CDK14: variants seen among roughly 807,000 people sequenced by gnomAD.
CDK14 encodes cyclin dependent kinase 14.
A neutral mutation model predicts 60.7 loss-of-function variants in CDK14; 34 were observed. The observed-to-expected ratio is 0.56, with a 90% CI of 0.43 to 0.75. The LOEUF (loss-of-function observed/expected upper bound fraction) is 0.75, where lower values mean the gene tolerates loss of function less well. CDK14 is among the 30% of genes least tolerant of loss of function. The probability of loss-of-function intolerance (pLI) is 0.00; values close to 1 mark genes in which losing one functional copy is unlikely to be tolerated. For missense variants in CDK14, 482 were observed against 564.1 expected (o/e 0.85, Z 1.47); for synonymous variants, 197 against 203.7 (o/e 0.97, Z 0.28).
intron 6 of CDK14, among the ~76,000 whole-genome samples, chr7:90,887,219 T>G (rs1468541586): frequency 6.6e-6 from 1 of 152,216 alleles, no homozygotes. Context: ...CACAATACTC[T>G]GTAGGTAATT....
intron 10 of CDK14, among the ~76,000 whole-genome samples, chr7:91,027,144 AT>A (rs1796597651): frequency 6.6e-6 from 1 of 152,216 alleles, no homozygotes; most frequent in East Asian, 1.9e-4. Flanking sequence ...AACTGTTATA[AT>A]TTCTAGATAC....
At chr7:91,013,220 G>T (rs948623629) in intron 10 of CDK14, among the ~76,000 whole-genome samples, 1 of 152,084 alleles carries the variant, frequency 6.6e-6, no homozygotes, top group African/African-American at 2.4e-5. Context: ...GCAGCTTCCT[G>T]CCCACGGCCT....
In CDK14 at chr7:91,208,935, T is replaced by C. The variant is rs2116037230; in HGVS notation, c.*1799T>C. On this transcript the variant is annotated 3_prime_UTR_variant, in exon 15 of 15. Transcript: ENST00000380050. The stretch of plus-strand genomic sequence containing the variant: ...TACTGTTTGCTACCTAGAAATCTTT[T>C]CCATTCCTCTTTCATACATTCCAAC... The C allele has an allele frequency of 6.5e-6, 1 of 152,778 alleles. No individual in the cohort carries two copies. The allele number at this position is 152,778 out of a possible 1,614,324, so 9.5% of individuals were successfully genotyped here.
At position 90,917,597 on chromosome 7, in the gene CDK14, T is replaced by G. The variant is rs1237572932; in HGVS notation, c.703-4T>G. ...ATTTTAACCTTTGTCTCCTTATTTT[T>G]CAGTTGTTTTTATTTCAGTTGCTGC... On this transcript the variant is annotated splice_polypyrimidine_tract_variant and splice_region_variant and intron_variant, in intron 7 of 14. Coordinates refer to ENST00000380050, the MANE Select transcript of CDK14 (RefSeq NM_001287135.2). 6.2e-7 allele frequency: 1 copy of G among 1,611,690 alleles called. No homozygotes were observed. Among genetic ancestry groups the G allele is most frequent in the Non-Finnish European group, 8.5e-7 (1 of 1,178,290 alleles).
chr7:91,112,853 GGAGAGA>G (rs56973703), intron 13 of CDK14, among the ~76,000 whole-genome samples, 172 bp downstream of exon 13: 23 of 148,564 alleles, frequency 1.5e-4, no homozygotes, highest in South Asian at 8.6e-4. Context: ...GTGTATGTGT[GGAGAGA>G]GAGAGAGAGA....
intron 9 of CDK14, among the ~76,000 whole-genome samples, chr7:90,967,198 G>GGAAA (rs1794779367): frequency 6.7e-6 from 1 of 150,252 alleles, no homozygotes; most frequent in Admixed American, 6.7e-5. Flanking sequence ...AAGGAAGGAA[G>GGAAA]GAAGAAAGGA....
chr7:90,887,185 T>C (rs1177365223), intron 6 of CDK14, among the ~76,000 whole-genome samples: 1 of 152,156 alleles, frequency 6.6e-6, no homozygotes, highest in African/African-American at 2.4e-5. Context: ...ATTTTACTAC[T>C]CTTCATTTTC....
rs1269784854 is a variant in CDK14, at chr7:91,092,448, G to A, written c.1154+12968G>A. Among the ~76,000 whole-genome samples the A allele has an allele frequency of 2.0e-5, 3 of 152,170 alleles. No individual in the cohort carries two copies. The East Asian group carries it at 5.8e-4, about 29-fold the overall frequency. ...CAGGGCATGACAGAGAGAAATAGAG[G>A]CCATGAAGCTTTTAGCAGTGTTTTT... is the stretch of plus-strand genomic sequence containing the variant. On this transcript the variant is annotated intron_variant, in intron 12 of 14. Transcript: ENST00000380050.
At chr7:90,958,663 C>T (rs1303756845) in intron 9 of CDK14, among the ~76,000 whole-genome samples, 3 of 152,106 alleles carry the variant, frequency 2.0e-5, no homozygotes, top group Admixed American at 6.6e-5. Context: ...TAGTTACTTT[C>T]TCATCCCTTT....
At chr7:90,980,172 G>A (rs1012452157) in intron 9 of CDK14, among the ~76,000 whole-genome samples, 4 of 152,080 alleles carry the variant, frequency 2.6e-5, no homozygotes, top group Non-Finnish European at 5.9e-5. Flanking sequence ...ATAGAAAAAT[G>A]TGTGAGCATA....
At chr7:91,112,355 T>C (rs1411712764) in intron 12 of CDK14, among the ~76,000 whole-genome samples, 187 bp from the exon 13 acceptor site, 3 of 152,156 alleles carry the variant, frequency 2.0e-5, no homozygotes, top group Non-Finnish European at 4.4e-5. Flanking sequence ...ATACCTAGAG[T>C]AAAAGTAAGT....
chr7:90,807,414 T>C (rs1431359000), intron 5 of CDK14, among the ~76,000 whole-genome samples: 1 of 152,120 alleles, frequency 6.6e-6, no homozygotes, highest in Non-Finnish European at 1.5e-5. Flanking sequence ...TACTGAATGT[T>C]AGAAGGAAAA....
intron 5 of CDK14, among the ~76,000 whole-genome samples, chr7:90,852,152 C>T (rs886736981): frequency 1.3e-5 from 2 of 152,152 alleles, no homozygotes; most frequent in Non-Finnish European, 2.9e-5. Flanking sequence ...CCACCTCCAC[C>T]TTTCAAAATG....
intron 11 of CDK14, among the ~76,000 whole-genome samples, chr7:91,057,587 G>A (rs1178185612): frequency 6.6e-6 from 1 of 152,190 alleles, no homozygotes; most frequent in African/African-American, 2.4e-5. Flanking sequence ...TTTGTATAAG[G>A]TATAAGGAAG....
chr7:90,770,171 C>T (rs1433626629), intron 4 of CDK14, among the ~76,000 whole-genome samples: 4 of 152,190 alleles, frequency 2.6e-5, no homozygotes, highest in African/African-American at 9.7e-5. Context: ...GTGATGAACA[C>T]ACATGTAATT....
intron 11 of CDK14, among the ~76,000 whole-genome samples, chr7:91,072,814 A>G (rs926468709): frequency 3.9e-5 from 6 of 152,146 alleles, no homozygotes; most frequent in African/African-American, 1.4e-4. Context: ...ACCAGTTTAG[A>G]CAGGAACATA....
At chr7:91,195,807 A>G (rs1435046647) in intron 14 of CDK14, among the ~76,000 whole-genome samples, 2 of 152,120 alleles carry the variant, frequency 1.3e-5, no homozygotes, top group Non-Finnish European at 2.9e-5. Context: ...CAAAGCCTCC[A>G]ACACCTCCTC....
chr7:90,697,278 C>G (rs896493521), intron 2 of CDK14, among the ~76,000 whole-genome samples: 1 of 152,008 alleles, frequency 6.6e-6, no homozygotes, highest in Admixed American at 6.5e-5. Context: ...TGAGGAAATT[C>G]TTAGCTTTAA....
intron 14 of CDK14, among the ~76,000 whole-genome samples, chr7:91,188,144 G>A (rs771627308): frequency 2.0e-4 from 30 of 152,136 alleles, no homozygotes; most frequent in Non-Finnish European, 3.8e-4. Flanking sequence ...GCTATCTGCC[G>A]AAGTAATTTC....
Sources: allele counts gnomAD v4.1 joint callset (sites outside exome capture counted in the v4.1 genomes callset), GRCh38; gene constraint gnomAD v4.1.1; transcripts MANE v1.5; gene names NCBI Gene and HGNC (gene_info 2026-07-23, HGNC 2026-07-21).